PXDNL: variants seen among roughly 807,000 people sequenced by gnomAD.
The protein encoded by PXDNL is probable oxidoreductase PXDNL.
PXDNL carries 145 observed loss-of-function variants against 150.8 expected under a neutral mutation model. The observed-to-expected ratio is 0.96, with a 90% CI of 0.84 to 1.10. The LOEUF is 1.10. PXDNL is among the 50% of genes least tolerant of loss of function. The pLI is 0.00. For missense variants in PXDNL, 2,087 were observed against 1,873.9 expected (o/e 1.11, Z -2.10); for synonymous variants, 757 against 725.7 (o/e 1.04, Z -0.69).
intron 4 of PXDNL, among the ~76,000 whole-genome samples, chr8:51,532,573 G>T (rs1317956419): frequency 6.6e-6 from 1 of 152,140 alleles, no homozygotes; most frequent in Admixed American, 6.5e-5. Flanking sequence ...TTGTTTGTTT[G>T]TTTGTTTGCT....
chr8:51,633,186 T>A (rs1374311581), intron 2 of PXDNL, among the ~76,000 whole-genome samples: 1 of 152,190 alleles, frequency 6.6e-6, no homozygotes, highest in Non-Finnish European at 1.5e-5. Context: ...GTGCTTAGGA[T>A]AATGAGCTCC....
In PXDNL at chr8:51,319,852, G is replaced by A. The variant is rs372092860; in HGVS notation, c.*39C>T. Reference sequence around the variant, plus strand: ...TGAAGTCCTAAATGTCTCTTCCTGAGAAATTTCCCATTTGGGGCTCAACAG... The same window carrying A: ...TGAAGTCCTAAATGTCTCTTCCTGAAAAATTTCCCATTTGGGGCTCAACAG... On this transcript the variant is annotated 3_prime_UTR_variant, in exon 23 of 23. Transcript: ENST00000356297. 8.4e-6 allele frequency: 12 copies of A among 1,428,950 alleles called. No individual in the cohort carries two copies. The highest frequency in any genetic ancestry group is 1.1e-5 in the Non-Finnish European group (12 of 1,084,290). The allele number at this position is 1,428,950 out of a possible 1,614,324, so 88.5% of individuals were successfully genotyped here.
chr8:51,723,595 G>A (rs1816770477), intron 1 of PXDNL, among the ~76,000 whole-genome samples: 1 of 152,222 alleles, frequency 6.6e-6, no homozygotes, highest in Non-Finnish European at 1.5e-5. Context: ...CATTTCCTCA[G>A]TCACAGAGAC....
chr8:51,718,776 T>G (rs535087140), intron 1 of PXDNL, among the ~76,000 whole-genome samples: 220 of 152,340 alleles, frequency 1.4e-3, no homozygotes, highest in Non-Finnish European at 2.5e-3. Flanking sequence ...TTGGCCCCTC[T>G]GTGGTGTATT....
chr8:51,393,386 G>A (rs542999052), intron 17 of PXDNL, among the ~76,000 whole-genome samples: 2 of 152,182 alleles, frequency 1.3e-5, no homozygotes, highest in African/African-American at 4.8e-5. Context: ...CTAAGAACAA[G>A]TACAAAAGGC....
chr8:51,455,976 T>C (rs1026576855), intron 9 of PXDNL, among the ~76,000 whole-genome samples: 1 of 152,184 alleles, frequency 6.6e-6, no homozygotes, highest in Non-Finnish European at 1.5e-5. Context: ...GTGTCTTTTT[T>C]TCCTGGAAAA....
At chr8:51,723,383 G>A (rs1025721728) in intron 1 of PXDNL, among the ~76,000 whole-genome samples, 1 of 152,266 alleles carries the variant, frequency 6.6e-6, no homozygotes, top group Non-Finnish European at 1.5e-5. Context: ...AAAATCAAAA[G>A]TGAAACCAGA....
chr8:51,620,009 A>C (rs1014602639), intron 2 of PXDNL, among the ~76,000 whole-genome samples: 14 of 152,086 alleles, frequency 9.2e-5, no homozygotes, highest in Non-Finnish European at 1.3e-4. Context: ...CTACTTTTCT[A>C]TTGTTAGCCT....
chr8:51,792,652 GGGAGACT>G (rs1285319781), intron 1 of PXDNL, among the ~76,000 whole-genome samples: 1 of 152,148 alleles, frequency 6.6e-6, no homozygotes, highest in Non-Finnish European at 1.5e-5. Context: ...GCTGGTGCTG[GGGAGACT>G]GGATGGTTTG....
intron 11 of PXDNL, among the ~76,000 whole-genome samples, chr8:51,448,471 G>A (rs1013006279): frequency 5.9e-5 from 9 of 152,274 alleles, no homozygotes; most frequent in African/African-American, 1.4e-4. Flanking sequence ...TTGGGAGGCC[G>A]AGGCGGGCGG....
At chr8:51,363,191 A>G (rs1247017932) in intron 19 of PXDNL, among the ~76,000 whole-genome samples, 1 of 152,188 alleles carries the variant, frequency 6.6e-6, no homozygotes, top group Non-Finnish European at 1.5e-5. Context: ...TCAGGCATGG[A>G]AATTCAGGAC....
At position 51,577,972 on chromosome 8, in the gene PXDNL, A is replaced by G. The variant is rs891325425; in HGVS notation, c.308+14655T>C. ...GAAAGAAAGAAAGAAAGAAAGAAAG[A>G]AAGAAAGAAAGAAAGAAAGAAAGAA... On this transcript the variant is annotated intron_variant, in intron 3 of 22. Transcript: ENST00000356297. Among the ~76,000 whole-genome samples, 7 of 106,960 alleles carry G rather than the reference A, an allele frequency of 6.5e-5. No individual in the cohort carries two copies. In the East Asian group the frequency reaches 1.4e-3, roughly 21 times the overall value. The allele number at this position is 106,960 out of a possible 152,430, so 70.2% of individuals were successfully genotyped here. A position where few individuals can be genotyped will look rare whatever the true frequency, so the allele number is the denominator to read the frequency against.
intron 1 of PXDNL, among the ~76,000 whole-genome samples, chr8:51,685,796 T>G (rs1815860919): frequency 6.6e-6 from 1 of 152,248 alleles, no homozygotes; most frequent in Non-Finnish European, 1.5e-5. Flanking sequence ...AATCCATTTT[T>G]TACTTTTATT....
chr8:51,423,837 C>T (rs186348819), intron 13 of PXDNL, 106 bp from the exon 14 acceptor site: 17 of 1,026,792 alleles, frequency 1.7e-5, no homozygotes, highest in African/African-American at 8.1e-5. Context: ...ATCTATTGCA[C>T]GTTTGCTGTG....
intron 2 of PXDNL, among the ~76,000 whole-genome samples, chr8:51,600,497 GATA>G (rs1242358602): frequency 7.5e-6 from 1 of 133,178 alleles, no homozygotes; most frequent in South Asian, 2.4e-4. Flanking sequence ...ATATCGTTTA[GATA>G]ATAAATTATA....
At chr8:51,676,283 CTT>C (rs553279148) in intron 1 of PXDNL, among the ~76,000 whole-genome samples, 1 of 147,140 alleles carries the variant, frequency 6.8e-6, no homozygotes. Context: ...GATGTATTCA[CTT>C]TTTTTTTTTG....
In PXDNL at chr8:51,319,897, C is replaced by A; in HGVS notation, c.4386G>T (p.Lys1462Asn). Residue 1462 changes from lysine (K) to asparagine (N), a missense_variant, in exon 23 of 23, where the codon AAG becomes AAT. Coordinates refer to ENST00000356297, the MANE Select transcript of PXDNL (RefSeq NM_144651.5). ...DRGMPSDSPEKR is the reference protein window; with the variant it reads ...DRGMPSDSPENR ...CAACAGCACAAAACTTTTATTAGCG[C>A]TTCTCTGGGGAATCACTTGGCATTC... 6.5e-7 allele frequency: 1 copy of A among 1,529,902 alleles called. No individual in the cohort carries two copies. 94.8% of individuals were successfully genotyped at this position (1,529,902 alleles called of 1,614,324 possible).
chr8:51,494,686 C>T (rs918887499), intron 5 of PXDNL, among the ~76,000 whole-genome samples: 3 of 151,996 alleles, frequency 2.0e-5, no homozygotes, highest in African/African-American at 4.8e-5. Flanking sequence ...ACAAAGAAGG[C>T]CATTACATAA....
chr8:51,632,151 C>G (rs6988824), intron 2 of PXDNL, among the ~76,000 whole-genome samples: 2 of 152,024 alleles, frequency 1.3e-5, no homozygotes, highest in Admixed American at 1.3e-4. Context: ...GAAAAAAGGA[C>G]CACTGAAGAG....
Sources: gnomAD v4.1 joint callset for allele counts (sites outside exome capture counted in the v4.1 genomes callset) on GRCh38, gnomAD v4.1.1 for gene constraint, MANE v1.5 for transcripts, NCBI Gene and HGNC (gene_info 2026-07-23, HGNC 2026-07-21) for gene names.